Variants in SBK3 observed in about 807,000 individuals in gnomAD.
SBK3 encodes uncharacterized serine/threonine-protein kinase SBK3.
Under a neutral mutation model 12.7 loss-of-function variants are expected in SBK3, and 16 were observed. The observed-to-expected ratio is 1.26, with a 90% confidence interval of 0.86 to 1.92. SBK3 has a LOEUF of 1.92. Among genes scored for constraint, SBK3 ranks in the 40% most tolerant of loss-of-function variants. The pLI is 0.00. For synonymous variants in SBK3, 217 were observed against 213.6 expected, an observed-to-expected ratio of 1.02 and a Z score of -0.14; for missense variants, 462 against 481.8, an observed-to-expected ratio of 0.96 and a Z score of 0.38.
Position 55,545,460 on chromosome 19 carries a change from TTCTC to T in SBK3, c.45+35_45+38del, listed in dbSNP as rs1469131196. 5 of 1,477,980 alleles carry T rather than the reference TTCTC, an allele frequency of 3.4e-6. No homozygotes were observed. In the East Asian group the frequency reaches 9.9e-5, roughly 29 times the overall value. 91.6% of individuals were successfully genotyped at this position (1,477,980 alleles called of 1,614,324 possible). On this transcript the variant is annotated intron_variant, in intron 1 of 3. Transcript: ENST00000612221. The surrounding 1 kb of genome is among the most constrained non-coding windows in gnomAD (Gnocchi z 4.4). Reference sequence around the variant, plus strand: ...TGCCTCCTGCCTCTCTCTCCTTCTTTTCTCTCTCTGTCTTCCTCCCCTGGCTCCC... The same window carrying T: ...TGCCTCCTGCCTCTCTCTCCTTCTTTTCTCTGTCTTCCTCCCCTGGCTCCC...
At chr19:55,543,026 C>A (rs1381255830) in intron 3 of SBK3, among the ~76,000 whole-genome samples, 1 of 115,148 alleles carries the variant, frequency 8.7e-6, no homozygotes, top group Admixed American at 9.0e-5. Flanking sequence ...TCAACCAATC[C>A]TTTCATCCAC....
chr19:55,542,662 T>C (rs1483057243), intron 3 of SBK3, among the ~76,000 whole-genome samples: 1 of 139,854 alleles, frequency 7.2e-6, no homozygotes, highest in African/African-American at 2.7e-5. Flanking sequence ...CATCCACCAA[T>C]TCTTCCATCC....
At position 55,541,419 on chromosome 19, in the gene SBK3, C is replaced by G; in HGVS notation, c.507G>C (p.Val169=). ...LVHADVKPDN[V]LVFDPVCSRV... is the part of the protein sequence containing the mutation. ...GGCTGCAGACCGGGTCGAAGACCAG[C>G]ACGTTGTCAGGTTTGACATCTGCGT... Residue 169 remains valine (V), a synonymous_variant, in exon 4 of 4, where the codon GTG becomes GTC. Transcript: ENST00000612221. The surrounding 1 kb of genome is among the most constrained non-coding windows in gnomAD (Gnocchi z 5.3). The G allele has an allele frequency of 1.3e-6, 2 of 1,535,846 alleles. No homozygotes were observed. Among genetic ancestry groups the G allele is most frequent in the Non-Finnish European group, 1.7e-6 (2 of 1,146,838 alleles).
rs562432123 is a variant in SBK3 at position 55,544,226 on chromosome 19, G to T, written c.273C>A (p.Gly91=). 3.3e-6 allele frequency: 5 copies of T among 1,536,024 alleles called. No homozygotes were observed. Among genetic ancestry groups the T allele is most frequent in the African/African-American group, 2.7e-5 (2 of 73,148 alleles). The change falls in exon 3 of 4, where the codon GGC becomes GGA. Residue 91 remains glycine, a synonymous_variant. Transcript: ENST00000612221. ...GGCCTGGGTGTGCAGAGACGCAGCG[G>T]CCCACACAGAACTCCCTCAGGAAGG... ...RSTFLREFCV[G]RCVSAHPGLL...
intron 3 of SBK3, among the ~76,000 whole-genome samples, 157 bp downstream of exon 3, chr19:55,543,943 C>T (rs895787957): frequency 6.6e-6 from 1 of 151,952 alleles, no homozygotes; most frequent in African/African-American, 2.4e-5. Flanking sequence ...CATGGAACCT[C>T]GTTGAGAATT....
intron 3 of SBK3, among the ~76,000 whole-genome samples, chr19:55,542,963 CCCAT>C (rs1192131936): frequency 8.3e-6 from 1 of 120,974 alleles, no homozygotes; most frequent in Non-Finnish European, 1.7e-5. Context: ...CATCCATCCA[CCCAT>C]CCATCCATCC....
At position 55,544,942 on chromosome 19, in the gene SBK3, G is replaced by C; in HGVS notation, c.53C>G (p.Thr18Arg). The change falls in exon 2 of 4, where the codon ACA becomes AGA. Residue 18 changes from threonine (T) to arginine (R), a missense_variant. Coordinates refer to ENST00000612221, the MANE Select transcript of SBK3 (RefSeq NM_001199824.2). The part of the protein sequence containing the change: ...TPEDGDPEED[T>R]ATALQRLVEL... ...CACCAGCCGTTGGAGGGCTGTGGCT[G>C]TGTCCTCCTACGGGAGAGGGGCAGG... 1 of 1,531,680 alleles carries C rather than the reference G, an allele frequency of 6.5e-7. No homozygotes were observed. Among genetic ancestry groups the C allele is most frequent in the Non-Finnish European group, 8.7e-7 (1 of 1,145,188 alleles). The allele number at this position is 1,531,680 out of a possible 1,614,324, so 94.9% of individuals were successfully genotyped here.
Position 55,541,194 on chromosome 19 carries a change from C to T in SBK3, c.732G>A (p.Val244=), listed in dbSNP as rs568900745. 2.6e-4 allele frequency: 407 copies of T among 1,536,078 alleles called. 1 individual carries two copies. The African/African-American group carries it at 4.9e-3, about 18-fold the overall frequency. The change falls in exon 4 of 4, where the codon GTG becomes GTA. Residue 244 remains valine, a synonymous_variant. Coordinates refer to ENST00000612221, the MANE Select transcript of SBK3 (RefSeq NM_001199824.2). This position sits in a 1 kb window ranked among gnomAD's most constrained non-coding sequence, Gnocchi z 5.3. ...CAATACFPWD[V]ALAPNPEFEA... The stretch of plus-strand genomic sequence containing the variant: ...CGAACTCAGGGTTGGGGGCCAGTGC[C>T]ACGTCCCAAGGGAAACAGGCAGTGG...
At position 55,541,321 on chromosome 19, in the gene SBK3, G is replaced by A; in HGVS notation, c.605C>T (p.Pro202Leu). 1 of 1,535,232 alleles carries A rather than the reference G, an allele frequency of 6.5e-7. No homozygotes were observed. The highest frequency in any genetic ancestry group is 1.2e-5 in the South Asian group (1 of 84,004). ...SPTPAPPVPL[P>L]TAPPELCLLL... is the part of the protein sequence containing the mutation. The stretch of plus-strand genomic sequence containing the variant: ...GAGACAGAGCTCAGGCGGTGCCGTG[G>A]GCAGAGGCACTGGTGGGGCGGGGGT... The change falls in exon 4 of 4, where the codon CCC (proline) becomes CTC (leucine). Residue 202 changes from proline to leucine, a missense_variant. Transcript: ENST00000612221. The surrounding 1 kb of genome is among the most constrained non-coding windows in gnomAD (Gnocchi z 5.3).
Position 55,544,107 on chromosome 19 carries a change from T to A in SBK3, c.392A>T (p.Gln131Leu), listed in dbSNP as rs1599950467. 6.7e-7 allele frequency: 1 copy of A among 1,489,610 alleles called. No homozygotes were observed. The highest frequency in any genetic ancestry group is 8.9e-7 in the Non-Finnish European group (1 of 1,123,498). 92.3% of individuals were successfully genotyped at this position (1,489,610 alleles called of 1,614,324 possible). A position where few individuals can be genotyped will look rare whatever the true frequency, so the allele number is the denominator to read the frequency against. ...APCGDLSGML[Q>L]ERGLPELLVK... Reference sequence around the variant, plus strand: ...TGTCCCTCGTGGCCTCACCCTTTCCTGCAGCATCCCGCTGAGGTCCCCACA... The same window carrying A: ...TGTCCCTCGTGGCCTCACCCTTTCCAGCAGCATCCCGCTGAGGTCCCCACA... Residue 131 changes from glutamine to leucine, a missense_variant, in exon 3 of 4, where the codon CAG (glutamine) becomes CTG (leucine). Coordinates refer to ENST00000612221, the MANE Select transcript of SBK3 (RefSeq NM_001199824.2).
At position 55,541,794 on chromosome 19, in the gene SBK3, C is replaced by A. The variant is rs1231947175; in HGVS notation, c.400-268G>T. Among the ~76,000 whole-genome samples, 1 of 152,136 alleles carries A rather than the reference C, an allele frequency of 6.6e-6. No individual in the cohort carries two copies. Among genetic ancestry groups the A allele is most frequent in the African/African-American group, 2.4e-5 (1 of 41,408 alleles). On this transcript the variant is annotated intron_variant, in intron 3 of 3. Transcript: ENST00000612221. The surrounding 1 kb of genome is among the most constrained non-coding windows in gnomAD (Gnocchi z 5.3). ...TAGTGGCTACCTCCAGTGTTCCCAC[C>A]ACATGCTCCCAAAGACTTTCTCTCC...
In SBK3 at chr19:55,544,924, C is replaced by T. The variant is rs776556876; in HGVS notation, c.71G>A (p.Arg24Gln). 174 of 1,533,482 alleles carry T rather than the reference C, an allele frequency of 1.1e-4. No individual in the cohort carries two copies. Among genetic ancestry groups the T allele is most frequent in the South Asian group, 2.0e-4 (17 of 83,894 alleles). 95.0% of individuals were successfully genotyped at this position (1,533,482 alleles called of 1,614,324 possible). Residue 24 changes from arginine to glutamine, a missense_variant, in exon 2 of 4, where the codon CGG (arginine) becomes CAG (glutamine). Arg to Gln is a conservative substitution (Grantham distance 43). Transcript: ENST00000612221. ...CCTGCTGGTCGTCAGCTCCACCAGC[C>T]GTTGGAGGGCTGTGGCTGTGTCCTC... ...PEEDTATALQ[R>Q]LVELTTSRVT... is the part of the protein sequence containing the mutation.
intron 3 of SBK3, among the ~76,000 whole-genome samples, chr19:55,542,450 C>G (rs1465245243): frequency 6.9e-6 from 1 of 144,684 alleles, no homozygotes; most frequent in Non-Finnish European, 1.5e-5. Context: ...CCACCACTCA[C>G]TCACCCACCA....
Position 55,545,441 on chromosome 19 carries a change from C to T in SBK3, c.45+58G>A. ...TTCCTCTCTCTCCCCGTGTTGCCTC[C>T]TGCCTCTCTCTCCTTCTTTTCTCTC... On this transcript the variant is annotated intron_variant, in intron 1 of 3. Coordinates refer to ENST00000612221, the MANE Select transcript of SBK3 (RefSeq NM_001199824.2). This position sits in a 1 kb window ranked among gnomAD's most constrained non-coding sequence, Gnocchi z 4.4. 1.4e-6 allele frequency: 2 copies of T among 1,381,936 alleles called. No homozygotes were observed. The highest frequency in any genetic ancestry group is 2.0e-6 in the Non-Finnish European group (2 of 1,010,748). 85.6% of individuals were successfully genotyped at this position (1,381,936 alleles called of 1,614,324 possible).
chr19:55,543,331 T>TCCATCCAC (rs752221363), intron 3 of SBK3, among the ~76,000 whole-genome samples: 2 of 116,144 alleles, frequency 1.7e-5, no homozygotes, highest in African/African-American at 3.4e-5. Context: ...CATCCATCCA[T>TCCATCCAC]CCACCCACCC....
Position 55,540,897 on chromosome 19 carries a change from A to T in SBK3, c.1029T>A (p.Gly343=). The part of the protein sequence containing the change: ...GSSLEEWTDE[G]DDSKSGGRTG... ...TCCTCCCACCACTTTTGCTGTCATC[A>T]CCCTCATCTGTCCACTCCTCCAGGC... Residue 343 remains glycine (G), a synonymous_variant, in exon 4 of 4, where the codon GGT becomes GGA. Coordinates refer to ENST00000612221, the MANE Select transcript of SBK3 (RefSeq NM_001199824.2). 6.5e-7 allele frequency: 1 copy of T among 1,535,802 alleles called. No individual in the cohort carries two copies. The highest frequency in any genetic ancestry group is 1.2e-5 in the South Asian group (1 of 84,042).
Position 55,541,259 on chromosome 19 carries a change from C to T in SBK3, c.667G>A (p.Val223Met), listed in dbSNP as rs777186934. Residue 223 changes from valine to methionine, a missense_variant, in exon 4 of 4, where the codon GTG (valine) becomes ATG (methionine). By Grantham distance (21) the Val-to-Met change is conservative. Coordinates refer to ENST00000612221, the MANE Select transcript of SBK3 (RefSeq NM_001199824.2). The surrounding 1 kb of genome is among the most constrained non-coding windows in gnomAD (Gnocchi z 5.3). Reference sequence around the variant, plus strand: ...AGCACCCCCAGGCCCCAGGAGTCCACGGCTGGCCGCAGAGGCAGGGTGTCG... The same window carrying T: ...AGCACCCCCAGGCCCCAGGAGTCCATGGCTGGCCGCAGAGGCAGGGTGTCG... ...PPDTLPLRPA[V>M]DSWGLGVLLF... The T allele has an allele frequency of 7.2e-6, 11 of 1,535,874 alleles. No homozygotes were observed. Among genetic ancestry groups the T allele is most frequent in the African/African-American group, 4.1e-5 (3 of 73,056 alleles).
Position 55,541,428 on chromosome 19 carries a change from A to G in SBK3, c.498T>C (p.Pro166=), listed in dbSNP as rs1369654479. The change falls in exon 4 of 4, where the codon CCT becomes CCC. Residue 166 remains proline, a synonymous_variant. Transcript: ENST00000612221. The surrounding 1 kb of genome is among the most constrained non-coding windows in gnomAD (Gnocchi z 5.3). The part of the protein sequence containing the change: ...SRGLVHADVK[P]DNVLVFDPVC... Reference sequence around the variant, plus strand: ...CCGGGTCGAAGACCAGCACGTTGTCAGGTTTGACATCTGCGTGGACCAGCC... The same window carrying G: ...CCGGGTCGAAGACCAGCACGTTGTCGGGTTTGACATCTGCGTGGACCAGCC... The G allele has an allele frequency of 3.9e-6, 6 of 1,535,834 alleles. No homozygotes were observed. The East Asian group carries it at 1.5e-4, about 38-fold the overall frequency.
rs571860609 is a variant in SBK3 at position 55,545,058 on chromosome 19, G to A, written c.46-109C>T. On this transcript the variant is annotated intron_variant, in intron 1 of 3. Coordinates refer to ENST00000612221, the MANE Select transcript of SBK3 (RefSeq NM_001199824.2). The surrounding 1 kb of genome is among the most constrained non-coding windows in gnomAD (Gnocchi z 4.4). ...GGATGGAGGGTGGGGCAGGGGACAG[G>A]GGTCACTGTCCCCAGAGAGGAGGAT... 1.3e-6 allele frequency: 1 copy of A among 799,474 alleles called. No homozygotes were observed. The highest frequency in any genetic ancestry group is 2.8e-5 in the East Asian group (1 of 35,918). 49.5% of individuals were successfully genotyped at this position (799,474 alleles called of 1,614,324 possible). A position where few individuals can be genotyped will look rare whatever the true frequency, so the allele number is the denominator to read the frequency against.
Sources: allele counts gnomAD v4.1 joint callset (sites outside exome capture counted in the v4.1 genomes callset), GRCh38; gene constraint gnomAD v4.1.1; non-coding constraint Gnocchi (gnomAD v3.1); transcripts MANE v1.5; gene names NCBI Gene and HGNC (gene_info 2026-07-23, HGNC 2026-07-21).